LRRC40: variants seen among roughly 807,000 people sequenced by gnomAD.
LRRC40 encodes the protein leucine-rich repeat-containing protein 40.
LRRC40 carries 76 observed loss-of-function variants against 72.8 expected under a neutral mutation model. That is an observed-to-expected ratio of 1.04 (90% CI 0.87 to 1.26). The LOEUF is 1.26. Ranked by LOEUF, LRRC40 falls within the 50% of genes most tolerant of loss-of-function variation. The pLI is 0.00. For synonymous variants in LRRC40, 243 were observed against 254.2 expected, an observed-to-expected ratio of 0.96 and a Z score of 0.42; for missense variants, 684 against 698.9, an observed-to-expected ratio of 0.98 and a Z score of 0.24.
chr1:70,160,970 G>A (rs904322401), intron 9 of LRRC40, among the ~76,000 whole-genome samples: 3 of 151,532 alleles, frequency 2.0e-5, no homozygotes, highest in African/African-American at 4.8e-5. Flanking sequence ...GCAACGAATA[G>A]AAGATCCTAT....
At chr1:70,170,839 TA>T (rs1667985367) in intron 9 of LRRC40, among the ~76,000 whole-genome samples, 2 of 152,264 alleles carry the variant, frequency 1.3e-5, no homozygotes, top group East Asian at 1.9e-4. Flanking sequence ...ATTCACAAGT[TA>T]ATTCTAAAAT....
intron 1 of LRRC40, among the ~76,000 whole-genome samples, chr1:70,193,004 A>C (rs76516249): frequency 0.11 from 16,755 of 152,108 alleles, 1,093 homozygotes; most frequent in East Asian, 0.3. Context: ...AATAAAACTC[A>C]ATGTATCCAT....
chr1:70,174,462 A>G (rs1355113828), intron 7 of LRRC40, among the ~76,000 whole-genome samples: 1 of 152,096 alleles, frequency 6.6e-6, no homozygotes, highest in Non-Finnish European at 1.5e-5. Flanking sequence ...GAGAAATGAA[A>G]ATAATGTCCA....
At chr1:70,173,598 G>A in intron 8 of LRRC40, 24 bp downstream of exon 8, 1 of 1,506,628 alleles carries the variant, frequency 6.6e-7, no homozygotes, top group Non-Finnish European at 9.2e-7. Flanking sequence ...ATTTAACAAA[G>A]AGCTGAATTC....
intron 6 of LRRC40, among the ~76,000 whole-genome samples, chr1:70,177,885 C>A (rs540606282): frequency 6.6e-6 from 1 of 152,310 alleles, no homozygotes; most frequent in East Asian, 1.9e-4. Context: ...TCTTCCTCCT[C>A]CTCAGCCTAC....
intron 9 of LRRC40, among the ~76,000 whole-genome samples, chr1:70,167,549 G>A (rs1327102545): frequency 6.6e-6 from 1 of 152,142 alleles, no homozygotes; most frequent in Non-Finnish European, 1.5e-5. Context: ...GACAGAATGA[G>A]ACTCTGTCTG....
At chr1:70,163,083 T>TC (rs1667799380) in intron 9 of LRRC40, among the ~76,000 whole-genome samples, 1 of 150,940 alleles carries the variant, frequency 6.6e-6, no homozygotes, top group Non-Finnish European at 1.5e-5. Flanking sequence ...CCTTTTCTTT[T>TC]TTTTTTTTTT....
chr1:70,184,268 A>G (rs1319513603), intron 4 of LRRC40, among the ~76,000 whole-genome samples: 1 of 152,142 alleles, frequency 6.6e-6, no homozygotes, highest in Non-Finnish European at 1.5e-5. Flanking sequence ...AAATAATAAT[A>G]AAAATATGAC....
At chr1:70,173,411 T>A (rs997334527) in intron 9 of LRRC40, 54 bp downstream of exon 9, 4 of 1,291,724 alleles carry the variant, frequency 3.1e-6, no homozygotes, top group Non-Finnish European at 4.5e-6. Flanking sequence ...GTACTATTAA[T>A]TCTTCACCAC....
chr1:70,151,231 T>G, intron 12 of LRRC40, 26 bp from the exon 13 acceptor site: 1 of 1,146,602 alleles, frequency 8.7e-7, no homozygotes, highest in Non-Finnish European at 1.3e-6. Context: ...AAACAGAAGA[T>G]TTACAAAGTT....
intron 9 of LRRC40, among the ~76,000 whole-genome samples, chr1:70,160,507 GTAGTAC>G (rs1667732900): frequency 6.6e-6 from 1 of 152,114 alleles, no homozygotes; most frequent in South Asian, 2.1e-4. Flanking sequence ...TGCTCTAGTA[GTAGTAC>G]TACTCCCCTA....
chr1:70,187,376 C>A, intron 2 of LRRC40, 38 bp from the exon 3 acceptor site: 1 of 994,806 alleles, frequency 1.0e-6, no homozygotes, highest in South Asian at 1.4e-5. Context: ...TATTCTTAGT[C>A]TTATCATTAA....
At chr1:70,192,086 T>C (rs1268319925) in intron 1 of LRRC40, among the ~76,000 whole-genome samples, 5 of 152,212 alleles carry the variant, frequency 3.3e-5, no homozygotes, top group African/African-American at 1.2e-4. Flanking sequence ...TGATATTGAT[T>C]ATTCCTATCC....
intron 1 of LRRC40, among the ~76,000 whole-genome samples, chr1:70,193,919 A>T (rs1206958793): frequency 1.3e-5 from 2 of 152,094 alleles, no homozygotes; most frequent in Non-Finnish European, 1.5e-5. Flanking sequence ...AAAACTAGGA[A>T]TCAAAGGGAA....
At chr1:70,159,091 A>AT (rs1228709451) in intron 10 of LRRC40, among the ~76,000 whole-genome samples, 1 of 151,856 alleles carries the variant, frequency 6.6e-6, no homozygotes, top group East Asian at 1.9e-4. Flanking sequence ...ACTCTGATGA[A>AT]TTTTTCCTCA....
intron 1 of LRRC40, among the ~76,000 whole-genome samples, chr1:70,196,801 T>C (rs1668621737): frequency 6.6e-6 from 1 of 152,208 alleles, no homozygotes; most frequent in Non-Finnish European, 1.5e-5. Flanking sequence ...TTCTATATCT[T>C]GATTGTAGTA....
intron 1 of LRRC40, among the ~76,000 whole-genome samples, chr1:70,190,595 A>C (rs1485735204): frequency 2.0e-5 from 3 of 148,470 alleles, no homozygotes; most frequent in Non-Finnish European, 4.5e-5. Flanking sequence ...GGATTGCCGG[A>C]GCACAGAACT....
rs149775075 is a variant in LRRC40 at position 70,174,969 on chromosome 1, A to T, written c.977+841T>A. Among the ~76,000 whole-genome samples the T allele has an allele frequency of 3.9e-5, 6 of 152,290 alleles. No individual in the cohort carries two copies. In the East Asian group the frequency reaches 9.6e-4, roughly 24 times the overall value. On this transcript the variant is annotated intron_variant, in intron 7 of 14. Transcript: ENST00000370952. ...TATGATATAAAAAGCATATATAATA[A>T]GACAAATGCTAAACAAGTCATGTTG...
chr1:70,180,534 C>T (rs888773488), intron 5 of LRRC40: 1 of 152,164 alleles, frequency 6.6e-6, no homozygotes, highest in Non-Finnish European at 1.5e-5. Context: ...TTAAAAGGTA[C>T]TAAAATGTAC....
Sources: gnomAD v4.1 joint callset for allele counts (sites outside exome capture counted in the v4.1 genomes callset) on GRCh38, gnomAD v4.1.1 for gene constraint, MANE v1.5 for transcripts, NCBI Gene and HGNC (gene_info 2026-07-23, HGNC 2026-07-21) for gene names.